Variants in UBA7 observed in about 807,000 individuals in gnomAD.
UBA7 encodes the protein ubiquitin like modifier activating enzyme 7, also known as ubiquitin-like modifier-activating enzyme 7.
UBA7 carries 88 observed loss-of-function variants against 113.0 expected under a neutral mutation model. That is an observed-to-expected ratio of 0.78 (90% CI 0.66 to 0.93). UBA7 has a LOEUF of 0.93. UBA7 is among the 40% of genes least tolerant of loss of function. UBA7 has a pLI of 0.00. For missense variants in UBA7, 1,092 were observed against 1,266.4 expected, an observed-to-expected ratio of 0.86 and a Z score of 2.09; for synonymous variants, 459 against 513.0, an observed-to-expected ratio of 0.89 and a Z score of 1.42.
rs1176003792 is a variant in UBA7 at position 49,805,221 on chromosome 3, G to C, written c.*87C>G. 1 of 1,358,716 alleles carries C rather than the reference G, an allele frequency of 7.4e-7. No homozygotes were observed. Among genetic ancestry groups the C allele is most frequent in the Admixed American group, 1.9e-5 (1 of 52,008 alleles). The allele number at this position is 1,358,716 out of a possible 1,614,324, so 84.2% of individuals were successfully genotyped here. A position where few individuals can be genotyped will look rare whatever the true frequency, so the allele number is the denominator to read the frequency against. ...TCTCTGCAATGCCTTCCTTTAACAA[G>C]CATTTATTGAGTGCCTACTGTGGGC... On this transcript the variant is annotated 3_prime_UTR_variant, in exon 24 of 24. Coordinates refer to ENST00000333486, the MANE Select transcript of UBA7 (RefSeq NM_003335.3).
At chr3:49,805,755 T>C (rs903418444) in intron 23 of UBA7, 142 bp downstream of exon 23, 15 of 910,720 alleles carry the variant, frequency 1.6e-5, no homozygotes, top group African/African-American at 3.3e-5. Context: ...CTCCAGCCTG[T>C]TTGCTGGCTC....
chr3:49,805,987 C>T lies in UBA7; in HGVS notation c.2819G>A (p.Gly940Glu), dbSNP rs1382520632. 4 of 1,566,176 alleles carry T rather than the reference C, an allele frequency of 2.6e-6. No individual in the cohort carries two copies. In the South Asian group the frequency reaches 3.5e-5, roughly 14 times the overall value. ...GTGCAGCAGGATCCTCACCCTCAAC[C>T]CGTGCTGCTCCTAGAGGAGAAAGGT... ...SLLAHLQEQH[G>E]LRVRILLHGS... Residue 940 changes from glycine to glutamate, a missense_variant, in exon 23 of 24, where the codon GGG (glycine) becomes GAG (glutamate). This residue lies in a region of UBA7 where 500 missense variants were observed against 529.3 expected (regional missense o/e 0.94). Transcript: ENST00000333486.
chr3:49,811,015 TC>T lies in UBA7; in HGVS notation c.1198del (p.Glu400SerfsTer11). 6.2e-7 allele frequency: 1 copy of T among 1,614,016 alleles called. No homozygotes were observed. The highest frequency in any genetic ancestry group is 8.5e-7 in the Non-Finnish European group (1 of 1,179,970). Reference protein sequence around the residue: ...DALDCLPEDGELLPSPEDCAL... With the variant: ...DALDCLPEDGXLLPSPEDCAL... ...ACAGTCCTCAGGACTGGGAAGGAGC[TC>T]CCCATCTTCCGGAAGACAATCGAGG... On this transcript the variant is annotated frameshift_variant, in exon 10 of 24. Transcript: ENST00000333486. LOFTEE classifies it high-confidence loss of function.
At chr3:49,812,290 G>A (rs1799843) in intron 6 of UBA7, 84 bp from the exon 7 acceptor site, 485,716 of 1,610,592 alleles carry the variant, frequency 0.3, 75,306 homozygotes, top group Non-Finnish European at 0.32. Context: ...CTGTGTCCCA[G>A]ACCTTGCTGC....
Position 49,812,147 on chromosome 3 carries a change from C to A in UBA7, c.754G>T (p.Ala252Ser), listed in dbSNP as rs770970135. The A allele has an allele frequency of 1.5e-5, 24 of 1,614,200 alleles. No homozygotes were observed. Among genetic ancestry groups the A allele is most frequent in the Non-Finnish European group, 1.9e-5 (23 of 1,180,036 alleles). ...TTGGGTCTCTTGACTTCAGTGATAGCCCCACCACGCAAGTACCGAGAGAAA... is the reference window on the plus strand; with the variant it reads ...TTGGGTCTCTTGACTTCAGTGATAGACCCACCACGCAAGTACCGAGAGAAA... ...TTFSRYLRGG[A>S]ITEVKRPKTV... The change falls in exon 7 of 24, where the codon GCT becomes TCT. Residue 252 changes from alanine to serine, a missense_variant. By Grantham distance (99) the Ala-to-Ser change is moderately conservative. Around this residue, in one of 3 missense-constraint regions of UBA7, gnomAD observed 584 missense variants for 714.5 expected, o/e 0.82. Coordinates refer to ENST00000333486, the MANE Select transcript of UBA7 (RefSeq NM_003335.3).
chr3:49,805,880 G>A lies in UBA7; in HGVS notation c.2909+17C>T, dbSNP rs1477860374. ...CAGGGACTGGTGGGGCCTGTCTAAA[G>A]CCCCAAGTGGGCTCACCTGAGGGGC... is the stretch of plus-strand genomic sequence containing the variant. On this transcript the variant is annotated intron_variant, in intron 23 of 23. Coordinates refer to ENST00000333486, the MANE Select transcript of UBA7 (RefSeq NM_003335.3). The A allele has an allele frequency of 1.9e-6, 3 of 1,550,522 alleles. No individual in the cohort carries two copies. Among genetic ancestry groups the A allele is most frequent in the Non-Finnish European group, 2.6e-6 (3 of 1,146,794 alleles).
chr3:49,812,230 G>A (rs372648994), intron 6 of UBA7, 24 bp from the exon 7 acceptor site: 3 of 1,613,648 alleles, frequency 1.9e-6, no homozygotes, highest in Non-Finnish European at 2.5e-6. Flanking sequence ...AGTCTAGTCA[G>A]TAATGATCCT....
At position 49,813,822 on chromosome 3, in the gene UBA7, C is replaced by T. The variant is rs772780375; in HGVS notation, c.-35G>A. On this transcript the variant is annotated 5_prime_UTR_variant, in exon 1 of 24. Coordinates refer to ENST00000333486, the MANE Select transcript of UBA7 (RefSeq NM_003335.3). ...TGGGGCTGAACAGTAGGCTGCAGCG[C>T]TCAGAGATAGGGTCTTTGTGTAGGT... 6.2e-7 allele frequency: 1 copy of T among 1,613,138 alleles called. No homozygotes were observed. Among genetic ancestry groups the T allele is most frequent in the Non-Finnish European group, 8.5e-7 (1 of 1,179,536 alleles).
Position 49,813,942 on chromosome 3 carries a change from C to CCTGGCTGCT in UBA7, c.-156_-155insAGCAGCCAG. The CCTGGCTGCT allele has an allele frequency of 1.3e-6, 1 of 776,644 alleles. No homozygotes were observed. Among genetic ancestry groups the CCTGGCTGCT allele is most frequent in the Non-Finnish European group, 2.1e-6 (1 of 482,196 alleles). 48.1% of individuals were successfully genotyped at this position (776,644 alleles called of 1,614,324 possible). ...GGACGCTGCTGGTCACAGCTCTCTT[C>CCTGGCTGCT]CTGGAGAAAAGAAAAGTGAAAGTTA... On this transcript the variant is annotated 5_prime_UTR_variant, in exon 1 of 24. Transcript: ENST00000333486.
Position 49,809,869 on chromosome 3 carries a change from T to C in UBA7, c.1850A>G (p.His617Arg), listed in dbSNP as rs1559434491. Reference protein sequence around the residue: ...TAEHTLQWARHEFEELFRLSA... With the variant: ...TAEHTLQWARREFEELFRLSA... Reference sequence around the variant, plus strand: ...CAGTCGGAAGAGTTCTTCAAACTCATGCCGGGCCCACTGTGGAGGAGGGAG... The same window carrying C: ...CAGTCGGAAGAGTTCTTCAAACTCACGCCGGGCCCACTGTGGAGGAGGGAG... The change falls in exon 15 of 24, where the codon CAT (histidine) becomes CGT (arginine). Residue 617 changes from histidine (H) to arginine (R), a missense_variant. By Grantham distance (29) the His-to-Arg change is conservative. Transcript: ENST00000333486. 1 of 1,614,132 alleles carries C rather than the reference T, an allele frequency of 6.2e-7. No individual in the cohort carries two copies. Among genetic ancestry groups the C allele is most frequent in the Non-Finnish European group, 8.5e-7 (1 of 1,180,014 alleles).
intron 18 of UBA7, 90 bp from the exon 19 acceptor site, chr3:49,808,558 G>A (rs2081492387): frequency 1.5e-6 from 2 of 1,348,732 alleles, no homozygotes; most frequent in South Asian, 1.3e-5. Flanking sequence ...TCTTTGCCAA[G>A]CCTGTCACTT....
rs2081559382 is a variant in UBA7, at chr3:49,812,168, A to G, written c.733T>C (p.Ser245Pro). 6.2e-7 allele frequency: 1 copy of G among 1,614,170 alleles called. No homozygotes were observed. ...SLEIGDTTTF[S>P]RYLRGGAITE... ...ATAGCCCCACCACGCAAGTACCGAGAGAAAGTTGTTGTGTCTCCAATCTCC... is the reference window on the plus strand; with the variant it reads ...ATAGCCCCACCACGCAAGTACCGAGGGAAAGTTGTTGTGTCTCCAATCTCC... Residue 245 changes from serine (S) to proline (P), a missense_variant, in exon 7 of 24, where the codon TCT (serine) becomes CCT (proline). This residue lies in a region of UBA7 where 584 missense variants were observed against 714.5 expected (regional missense o/e 0.82). Coordinates refer to ENST00000333486, the MANE Select transcript of UBA7 (RefSeq NM_003335.3).
Position 49,813,507 on chromosome 3 carries a change from G to C in UBA7, c.197C>G (p.Pro66Arg). ...GGCAGCCAGGTCGGACCAGCAGGTG[G>C]GGTGGGGATCATGCAGAGTGAGGCT... ...VGSLTLHDPH[P>R]TCWSDLAAQF... The change falls in exon 2 of 24, where the codon CCC becomes CGC. Residue 66 changes from proline (P) to arginine (R), a missense_variant. Pro to Arg is a moderately radical substitution (Grantham distance 103). This residue lies in a region of UBA7 where 584 missense variants were observed against 714.5 expected (regional missense o/e 0.82). Coordinates refer to ENST00000333486, the MANE Select transcript of UBA7 (RefSeq NM_003335.3). 1 of 1,613,966 alleles carries C rather than the reference G, an allele frequency of 6.2e-7. No individual in the cohort carries two copies. The highest frequency in any genetic ancestry group is 8.5e-7 in the Non-Finnish European group (1 of 1,180,020).
chr3:49,808,217 G>A (rs763641247), intron 19 of UBA7, 105 bp from the exon 20 acceptor site: 239 of 1,518,876 alleles, frequency 1.6e-4, no homozygotes, highest in Non-Finnish European at 2.1e-4. Context: ...TCGGGGGGTT[G>A]CCCCACATCT....
chr3:49,809,392 G>A lies in UBA7; in HGVS notation c.2161C>T (p.Gln721Ter). Residue 721 changes from glutamine (Q) to a stop codon, truncating the protein, a stop_gained and splice_region_variant, in exon 17 of 24, where the codon CAA (glutamine) becomes TAA (stop). Coordinates refer to ENST00000333486, the MANE Select transcript of UBA7 (RefSeq NM_003335.3). LOFTEE classifies it high-confidence loss of function. ...CPQPLEFDTN[Q>*]DTHLLYVLAA... ...GCTCCCTACAGAATCCCACTCACTT[G>A]GTTGGTGTCAAACTCCAAGGGCTGG... 13 of 1,614,058 alleles carry A rather than the reference G, an allele frequency of 8.1e-6. No homozygotes were observed. Among genetic ancestry groups the A allele is most frequent in the Non-Finnish European group, 1.1e-5 (13 of 1,179,944 alleles).
In UBA7 at chr3:49,810,070, T is replaced by A; in HGVS notation, c.1747A>T (p.Arg583Ter). The change falls in exon 14 of 24, where the codon AGA (arginine) becomes TGA (stop). Residue 583 changes from arginine to a stop codon, truncating the protein, a stop_gained. Transcript: ENST00000333486. LOFTEE classifies it high-confidence loss of function. The surrounding 1 kb of genome is among the most constrained non-coding windows in gnomAD (Gnocchi z 5.6). ...GAAGCTGCAGCTGAGGCAGGGGCTC[T>A]GTAGGCCTCAGTCACATGTGGCATG... The part of the protein sequence containing the change: ...VFMPHVTEAY[R>*]APASAAASED... 5.0e-6 allele frequency: 8 copies of A among 1,613,476 alleles called. No individual in the cohort carries two copies. In the South Asian group the frequency reaches 8.8e-5, roughly 18 times the overall value.
chr3:49,813,354 C>T lies in UBA7; in HGVS notation c.255G>A (p.Arg85=). The T allele has an allele frequency of 1.9e-6, 3 of 1,614,122 alleles. No individual in the cohort carries two copies. Among genetic ancestry groups the T allele is most frequent in the Non-Finnish European group, 8.5e-7 (1 of 1,180,034 alleles). ...QFLLSEQDLE[R]SRAEASQELL... is the part of the protein sequence containing the mutation. ...GCTCTTGAGAGGCCTCGGCTCTGCT[C>T]CTTTCCAAGTCCTGCTCTGAGAGGA... Residue 85 remains arginine, a synonymous_variant, in exon 3 of 24, where the codon AGG becomes AGA. Coordinates refer to ENST00000333486, the MANE Select transcript of UBA7 (RefSeq NM_003335.3).
At position 49,810,561 on chromosome 3, in the gene UBA7, A is replaced by C. The variant is rs755411953; in HGVS notation, c.1423T>G (p.Ser475Ala). The C allele has an allele frequency of 6.2e-7, 1 of 1,613,960 alleles. No individual in the cohort carries two copies. The highest frequency in any genetic ancestry group is 1.3e-5 in the African/African-American group (1 of 74,858). The change falls in exon 12 of 24, where the codon TCC becomes GCC. Residue 475 changes from serine to alanine, a missense_variant. By Grantham distance (99) the Ser-to-Ala change is moderately conservative. Transcript: ENST00000333486. This position sits in a 1 kb window ranked among gnomAD's most constrained non-coding sequence, Gnocchi z 5.6. The part of the protein sequence containing the change: ...TVVDMDHIER[S>A]NLSRQFLFRS... ...AAGAGGAACTGACGGCTGAGATTGGAGCGCTCTATGTGGTCCATGTCAACA... is the reference window on the plus strand; with the variant it reads ...AAGAGGAACTGACGGCTGAGATTGGCGCGCTCTATGTGGTCCATGTCAACA...
chr3:49,812,265 C>A (rs780858189), intron 6 of UBA7, 59 bp from the exon 7 acceptor site: 240 of 1,611,370 alleles, frequency 1.5e-4, no homozygotes, highest in Admixed American at 4.5e-4. Context: ...TCCCACACCC[C>A]ATCCTATCTT....
Sources: gnomAD v4.1 joint callset for allele counts on GRCh38, gnomAD v4.1.1 for gene constraint, gnomAD v4.1.1 regional missense constraint, Gnocchi (gnomAD v3.1) non-coding constraint, MANE v1.5 for transcripts, NCBI Gene and HGNC (gene_info 2026-07-23, HGNC 2026-07-21) for gene names.